The following PDZD2 variants were observed in gnomAD, a reference collection of about 807,000 sequenced individuals.
PDZD2 encodes PDZ domain containing 2, also known as PDZ domain-containing protein 2.
A neutral mutation model predicts 220.7 loss-of-function variants in PDZD2; 90 were observed. The observed-to-expected ratio is 0.41, with a 90% CI of 0.34 to 0.49. PDZD2 has a LOEUF of 0.49. Ranked by LOEUF, PDZD2 falls within the 20% of genes least tolerant of loss-of-function variation. The pLI, the probability that PDZD2 is intolerant of heterozygous loss-of-function variation, is 0.28. For synonymous variants in PDZD2, 1,375 were observed against 1,450.5 expected, an observed-to-expected ratio of 0.95 and a Z score of 1.18; for missense variants, 3,174 against 3,608.5, an observed-to-expected ratio of 0.88 and a Z score of 3.08.
At chr5:31,760,725 C>T (rs1165747100) in intron 1 of PDZD2, among the ~76,000 whole-genome samples, 3 of 152,064 alleles carry the variant, frequency 2.0e-5, no homozygotes, top group Non-Finnish European at 4.4e-5. Context: ...AGTTCAAGAC[C>T]AGTCTAGCCA....
chr5:31,775,083 C>T (rs1048697332), intron 1 of PDZD2, among the ~76,000 whole-genome samples: 5 of 152,204 alleles, frequency 3.3e-5, no homozygotes, highest in African/African-American at 1.2e-4. Flanking sequence ...AGGCTGCCAA[C>T]TACATTTTGT....
At chr5:31,683,207 T>TAAAAAAAAAA (rs35467814) in intron 1 of PDZD2, among the ~76,000 whole-genome samples, 3 of 129,024 alleles carry the variant, frequency 2.3e-5, no homozygotes, top group Non-Finnish European at 4.8e-5. Context: ...ATCAGAATGT[T>TAAAAAAAAAA]AAAAAAAAAA....
At chr5:31,703,304 G>A (rs996947144) in intron 1 of PDZD2, among the ~76,000 whole-genome samples, 3 of 152,186 alleles carry the variant, frequency 2.0e-5, no homozygotes, top group African/African-American at 7.2e-5. Flanking sequence ...CCATAAAAAA[G>A]AATGAGTTCA....
intron 2 of PDZD2, among the ~76,000 whole-genome samples, chr5:31,969,531 A>AAAAAAAAAAAAAAAAC (rs1749095050): frequency 1.4e-5 from 2 of 145,540 alleles, no homozygotes; most frequent in Non-Finnish European, 3.0e-5. Context: ...AAAAAAAAAA[A>AAAAAAAAAAAAAAAAC]AAAACAATGG....
intron 6 of PDZD2, among the ~76,000 whole-genome samples, chr5:32,018,191 C>T (rs1462731402): frequency 6.6e-6 from 1 of 152,222 alleles, no homozygotes; most frequent in Non-Finnish European, 1.5e-5. Context: ...GCATCCGGCT[C>T]ATGTGCACTC....
intron 2 of PDZD2, among the ~76,000 whole-genome samples, chr5:31,850,039 T>G (rs1757911550): frequency 8.0e-6 from 1 of 125,460 alleles, no homozygotes; most frequent in Non-Finnish European, 1.6e-5. Context: ...TATATACACG[T>G]ATATATATAT....
intron 6 of PDZD2, among the ~76,000 whole-genome samples, chr5:32,022,120 T>C (rs1754243209): frequency 6.6e-6 from 1 of 152,196 alleles, no homozygotes; most frequent in South Asian, 2.1e-4. Context: ...TGGTATTTTT[T>C]ATATTCCATA....
At chr5:32,054,020 G>A (rs1738844664) in intron 10 of PDZD2, 137 bp downstream of exon 10, 1 of 599,098 alleles carries the variant, frequency 1.7e-6, no homozygotes, top group Non-Finnish European at 3.0e-6. Context: ...AGTGTAACCT[G>A]AGCTTCACTT....
intron 1 of PDZD2, among the ~76,000 whole-genome samples, chr5:31,712,697 C>T (rs1235168691): frequency 1.3e-5 from 2 of 152,084 alleles, no homozygotes; most frequent in East Asian, 1.9e-4. Context: ...CAGAGCAGCT[C>T]GGATTGAAAG....
At chr5:31,858,701 A>C (rs1291885667) in intron 2 of PDZD2, among the ~76,000 whole-genome samples, 6 of 151,282 alleles carry the variant, frequency 4.0e-5, no homozygotes, top group Non-Finnish European at 5.9e-5. Context: ...TCCTTCCTTC[A>C]TCCCTCCCTC....
At chr5:31,880,791 CTTTTTT>C (rs1037018187) in intron 2 of PDZD2, among the ~76,000 whole-genome samples, 2 of 76,486 alleles carry the variant, frequency 2.6e-5, no homozygotes, top group Admixed American at 1.4e-4. Context: ...TTTTTTTTTT[CTTTTTT>C]TTTTTTTTTT....
chr5:31,755,800 G>A (rs1305163484), intron 1 of PDZD2, among the ~76,000 whole-genome samples: 3 of 152,278 alleles, frequency 2.0e-5, no homozygotes, highest in African/African-American at 7.2e-5. Context: ...AACAGCTGAT[G>A]AACGTGGCCT....
rs1267349583 is a variant in PDZD2, at chr5:32,089,027, A to G, written c.5579A>G (p.Asn1860Ser). The change falls in exon 20 of 25, where the codon AAT becomes AGT. Residue 1860 changes from asparagine to serine, a missense_variant. Physicochemically the swap from Asn to Ser is conservative, Grantham distance 46. Around this residue, in one of 4 missense-constraint regions of PDZD2, gnomAD observed 1,861 missense variants for 2,001.0 expected, o/e 0.93. Transcript: ENST00000438447. ...CCTCAGCCGAAAACAAACCTGGAAA[A>G]TAAGGACCTGTCTAAGAAGAGTCCG... ...SPPQPKTNLE[N>S]KDLSKKSPAE... The G allele has an allele frequency of 1.2e-6, 2 of 1,613,994 alleles. No individual in the cohort carries two copies. Among genetic ancestry groups the G allele is most frequent in the East Asian group, 4.5e-5 (2 of 44,878 alleles).
At position 32,101,062 on chromosome 5, in the gene PDZD2, A is replaced by T. The variant is rs2279232; in HGVS notation, c.8219-43A>T. On this transcript the variant is annotated intron_variant, in intron 23 of 24. Coordinates refer to ENST00000438447, the MANE Select transcript of PDZD2 (RefSeq NM_178140.4). ...GGGGACTTGGACATGTGGCATGATG[A>T]ACAACCCTGTCATTTTCATCTTGGT... 1,006,045 of 1,611,124 alleles carry T rather than the reference A, an allele frequency of 0.62. 323,245 individuals carry two copies. The highest frequency in any genetic ancestry group is 0.67 in the Non-Finnish European group (787,373 of 1,177,578).
intron 1 of PDZD2, among the ~76,000 whole-genome samples, chr5:31,690,643 T>A (rs1580570458): frequency 1.3e-5 from 2 of 152,210 alleles, no homozygotes; most frequent in South Asian, 4.1e-4. Flanking sequence ...CTCTTCTCTG[T>A]ATCTTCTCCT....
intron 12 of PDZD2, among the ~76,000 whole-genome samples, chr5:32,058,687 A>C (rs1429230840): frequency 6.6e-6 from 1 of 151,644 alleles, no homozygotes; most frequent in Non-Finnish European, 1.5e-5. Context: ...AAAAAAAAAA[A>C]AAAAAATTCA....
At chr5:31,972,066 T>C (rs191535932) in intron 2 of PDZD2, among the ~76,000 whole-genome samples, 94 of 152,334 alleles carry the variant, frequency 6.2e-4, no homozygotes, top group African/African-American at 2.2e-3. Context: ...AACTGCAGAA[T>C]TTAAAATTTC....
chr5:31,647,060 A>C (rs1379480640), intron 1 of PDZD2, among the ~76,000 whole-genome samples: 4 of 152,094 alleles, frequency 2.6e-5, no homozygotes, highest in Non-Finnish European at 5.9e-5. Context: ...GCTGCAGTCC[A>C]CTATTTTTGG....
chr5:32,015,603 C>T (rs1367229041), intron 6 of PDZD2, among the ~76,000 whole-genome samples: 1 of 152,118 alleles, frequency 6.6e-6, no homozygotes, highest in Non-Finnish European at 1.5e-5. Context: ...TAAATGTTTA[C>T]GATCTCCAAT....
Sources: allele counts gnomAD v4.1 joint callset (sites outside exome capture counted in the v4.1 genomes callset), GRCh38; gene constraint gnomAD v4.1.1; regional missense constraint gnomAD v4.1.1; transcripts MANE v1.5; gene names NCBI Gene and HGNC (gene_info 2026-07-23, HGNC 2026-07-21).